Variants in CLVS1 observed in about 807,000 individuals in gnomAD.
CLVS1 encodes clavesin-1.
CLVS1 carries 10 observed loss-of-function variants against 33.1 expected under a neutral mutation model. That is an observed-to-expected ratio of 0.30 (90% CI 0.19 to 0.51). CLVS1 has a LOEUF of 0.51. Ranked by LOEUF, CLVS1 falls within the 20% of genes least tolerant of loss-of-function variation. The pLI is 0.97. For missense variants in CLVS1, 343 were observed against 433.4 expected (o/e 0.79, Z 1.85); for synonymous variants, 163 against 166.1 (o/e 0.98, Z 0.14).
intron 1 of CLVS1, among the ~76,000 whole-genome samples, chr8:61,121,343 C>T (rs377292516): frequency 1.3e-5 from 2 of 152,232 alleles, no homozygotes; most frequent in East Asian, 3.8e-4. Flanking sequence ...CTGCGTCGCT[C>T]ACGCTGGGAG....
At chr8:61,044,919 T>A in the CLVS1 span, among the ~76,000 whole-genome samples, 2 of 152,180 alleles carry the variant, frequency 1.3e-5, 1 homozygote, top group Admixed American at 1.3e-4. Flanking sequence ...TCCTAAAGTG[T>A]GATCTTTGGA....
chr8:61,206,797 C>T (rs963109971), intron 2 of CLVS1, among the ~76,000 whole-genome samples: 2 of 152,092 alleles, frequency 1.3e-5, no homozygotes, highest in Non-Finnish European at 2.9e-5. Flanking sequence ...CCTTGTTAGC[C>T]AGGATGGTCT....
In CLVS1 at chr8:61,246,167, C is replaced by CTTTT. The variant is rs1188366643; in HGVS notation, c.-151-53484_-151-53481dup. On this transcript the variant is annotated intron_variant, in intron 2 of 2. Transcript: ENST00000522621. ...AAACCCTTTTTCTCTTCCTTCCCAA[C>CTTTT]TTTTTTTTTTTTTTTTTTTTTTTTT... Among the ~76,000 whole-genome samples, 182 of 82,232 alleles carry CTTTT rather than the reference C, an allele frequency of 2.2e-3. 17 individuals are homozygous for CTTTT. The highest frequency in any genetic ancestry group is 7.2e-3 in the African/African-American group (156 of 21,746). 53.9% of individuals were successfully genotyped at this position (82,232 alleles called of 152,430 possible).
At chr8:60,977,914 G>C in the CLVS1 span, among the ~76,000 whole-genome samples, 1 of 152,160 alleles carries the variant, frequency 6.6e-6, no homozygotes, top group Non-Finnish European at 1.5e-5. Flanking sequence ...AAAGCAACAA[G>C]AGAAAAGCAA....
At chr8:61,085,323 T>C (rs1258904162) in intron 1 of CLVS1, among the ~76,000 whole-genome samples, 4 of 152,158 alleles carry the variant, frequency 2.6e-5, no homozygotes, top group Non-Finnish European at 4.4e-5. Context: ...TCCCAAAACA[T>C]GTAAGTAGGT....
intron 5 of CLVS1, among the ~76,000 whole-genome samples, chr8:61,485,747 A>G (rs1255705233): frequency 6.6e-6 from 1 of 152,266 alleles, no homozygotes; most frequent in East Asian, 1.9e-4. Flanking sequence ...CATATACACC[A>G]TGGAATACTA....
At chr8:61,035,877 A>G in the CLVS1 span, among the ~76,000 whole-genome samples, 1 of 152,178 alleles carries the variant, frequency 6.6e-6, no homozygotes, top group Non-Finnish European at 1.5e-5. Context: ...TGACATCCAT[A>G]ATAAAAACAT....
chr8:61,138,221 G>A (rs1042272473), intron 2 of CLVS1, among the ~76,000 whole-genome samples: 1 of 152,192 alleles, frequency 6.6e-6, no homozygotes, highest in African/African-American at 2.4e-5. Flanking sequence ...AGGTGAAGAG[G>A]TCATGAGATG....
intron 1 of CLVS1, 175 bp downstream of exon 1, chr8:61,288,313 G>T: frequency 2.2e-6 from 1 of 454,832 alleles, no homozygotes; most frequent in Non-Finnish European, 4.4e-6. Context: ...CCGCCTCCGC[G>T]GTCCATCCTC....
chr8:61,154,057 G>C (rs759384047), intron 2 of CLVS1, among the ~76,000 whole-genome samples: 1 of 152,098 alleles, frequency 6.6e-6, no homozygotes, highest in Non-Finnish European at 1.5e-5. Context: ...TCCCCACAAA[G>C]AAGAGAGCGG....
chr8:61,479,965 C>T (rs1182459695), intron 5 of CLVS1, among the ~76,000 whole-genome samples: 4 of 152,142 alleles, frequency 2.6e-5, no homozygotes, highest in Non-Finnish European at 5.9e-5. Flanking sequence ...GAGGAGTACC[C>T]GGCCGTGTGA....
chr8:61,212,170 C>A (rs748026084), intron 2 of CLVS1, among the ~76,000 whole-genome samples: 2 of 152,192 alleles, frequency 1.3e-5, no homozygotes, highest in Non-Finnish European at 2.9e-5. Context: ...GCAGAAGCAG[C>A]CTCTCCGCCC....
chr8:61,172,005 T>C (rs1807011094), intron 2 of CLVS1, among the ~76,000 whole-genome samples: 1 of 152,158 alleles, frequency 6.6e-6, no homozygotes, highest in Admixed American at 6.5e-5. Flanking sequence ...CCTCAGAGAA[T>C]GAAAGGTCAA....
chr8:61,335,726 G>C (rs1042893358), intron 2 of CLVS1, among the ~76,000 whole-genome samples: 1 of 152,146 alleles, frequency 6.6e-6, no homozygotes. Flanking sequence ...GCATCAAAAA[G>C]TGTCAAACTC....
chr8:61,176,742 C>T (rs925788473), intron 2 of CLVS1, among the ~76,000 whole-genome samples: 1 of 152,126 alleles, frequency 6.6e-6, no homozygotes, highest in Non-Finnish European at 1.5e-5. Flanking sequence ...GCGGGGGAGC[C>T]CTCACCCCTC....
At chr8:61,085,035 T>C (rs1805093570) in intron 1 of CLVS1, among the ~76,000 whole-genome samples, 1 of 152,070 alleles carries the variant, frequency 6.6e-6, no homozygotes, top group Non-Finnish European at 1.5e-5. Flanking sequence ...AATGAAAAAA[T>C]ACATCAGAAC....
intron 3 of CLVS1, among the ~76,000 whole-genome samples, chr8:61,422,674 A>G (rs984225721): frequency 1.3e-5 from 2 of 152,238 alleles, no homozygotes; most frequent in Non-Finnish European, 2.9e-5. Flanking sequence ...TACCTAGAAT[A>G]TGGAGGAAAA....
chr8:61,479,812 T>C (rs1818114105), intron 5 of CLVS1, among the ~76,000 whole-genome samples: 1 of 151,814 alleles, frequency 6.6e-6, no homozygotes, highest in South Asian at 2.1e-4. Context: ...GTCAGGACCC[T>C]CAGCTGCAGG....
chr8:61,416,563 A>C (rs2129604365), intron 3 of CLVS1, among the ~76,000 whole-genome samples: 1 of 152,316 alleles, frequency 6.6e-6, no homozygotes, highest in East Asian at 1.9e-4. Flanking sequence ...CAAAAAGAGC[A>C]AGAGAAACAC....
Sources: gnomAD v4.1 joint callset for allele counts (sites outside exome capture counted in the v4.1 genomes callset) on GRCh38, gnomAD v4.1.1 for gene constraint, MANE v1.5 for transcripts, NCBI Gene and HGNC (gene_info 2026-07-23, HGNC 2026-07-21) for gene names.